SMC3: variants seen among roughly 807,000 people sequenced by gnomAD.
The protein encoded by SMC3 is structural maintenance of chromosomes protein 3.
In SMC3, 20 loss-of-function variants were observed where a neutral mutation model predicts 171.8. That is an observed-to-expected ratio of 0.12 (90% CI 0.08 to 0.17). The LOEUF (loss-of-function observed/expected upper bound fraction) is 0.17, where lower values mean the gene tolerates loss of function less well. Ranked by LOEUF, SMC3 falls within the 10% of genes least tolerant of loss-of-function variation. SMC3 has a pLI of 1.00. For synonymous variants in SMC3, 464 were observed against 451.1 expected (o/e 1.03, Z -0.36); for missense variants, 543 against 1,420.4 (o/e 0.38, Z 9.93).
intron 8 of SMC3, among the ~76,000 whole-genome samples, 195 bp downstream of exon 8, chr10:110,581,216 CTTT>C (rs59798192): frequency 1.4e-4 from 14 of 103,164 alleles, no homozygotes; most frequent in African/African-American, 1.5e-4. Context: ...CGCACACTGA[CTTT>C]TTTTTTTTTT....
chr10:110,589,114 G>T (rs1861167470), intron 13 of SMC3, among the ~76,000 whole-genome samples: 1 of 152,110 alleles, frequency 6.6e-6, no homozygotes, highest in Non-Finnish European at 1.5e-5. Context: ...ATGGGGCCGG[G>T]CGCAGTGTCT....
At chr10:110,597,143 CAAAA>C (rs11347729) in intron 19 of SMC3, among the ~76,000 whole-genome samples, 31 of 135,338 alleles carry the variant, frequency 2.3e-4, no homozygotes, top group Non-Finnish European at 2.4e-4. Context: ...GACCCTGTCT[CAAAA>C]AAAAAAAAAA....
intron 20 of SMC3, among the ~76,000 whole-genome samples, chr10:110,598,993 A>C (rs925924173): frequency 6.6e-6 from 1 of 151,936 alleles, no homozygotes; most frequent in Non-Finnish European, 1.5e-5. Flanking sequence ...TAAACTTGAC[A>C]GTTTTGACAA....
At chr10:110,569,074 C>A in intron 2 of SMC3, 61 bp downstream of exon 2, 2 of 1,061,286 alleles carry the variant, frequency 1.9e-6, no homozygotes, top group Non-Finnish European at 3.0e-6. Context: ...TAAATTCTGT[C>A]CATTTCTATA....
At chr10:110,575,306 G>T in intron 3 of SMC3, 30 bp from the exon 4 acceptor site, 2 of 1,562,090 alleles carry the variant, frequency 1.3e-6, no homozygotes, top group Admixed American at 3.3e-5. Context: ...CTTTTTTAGG[G>T]TATACTAATA....
intron 9 of SMC3, 90 bp from the exon 10 acceptor site, chr10:110,582,472 T>G: frequency 1.1e-6 from 1 of 942,956 alleles, no homozygotes; most frequent in African/African-American, 1.7e-5. Flanking sequence ...TACTTTTGGT[T>G]TATTTTAATA....
rs541539782 is a variant in SMC3, at chr10:110,599,214, C to T, written c.2269-440C>T. ...CTGGGTTCAAGCAATTCTCCTGCCT[C>T]GGCCTCCAGAGTAGCTGGGATTGCA... On this transcript the variant is annotated intron_variant, in intron 20 of 28. Coordinates refer to ENST00000361804, the MANE Select transcript of SMC3 (RefSeq NM_005445.4). 2.0e-4 allele frequency among the ~76,000 whole-genome samples: 31 copies of T among 152,250 alleles called. 1 individual carries two copies. The East Asian group carries it at 5.8e-3, about 28-fold the overall frequency.
chr10:110,598,930 T>C (rs1158018746), intron 20 of SMC3, among the ~76,000 whole-genome samples: 1 of 152,190 alleles, frequency 6.6e-6, no homozygotes, highest in African/African-American at 2.4e-5. Context: ...TTTGTCCAGA[T>C]TGTATTAAAA....
In SMC3 at chr10:110,583,194, C is replaced by T. The variant is rs17127576; in HGVS notation, c.805-190C>T. ...GGCATGAGCAACCATGTCCAGCCAT[C>T]GTATGTTTTTGACCATAGTAAACCC... On this transcript the variant is annotated intron_variant, in intron 10 of 28. Transcript: ENST00000361804. 0.015 allele frequency among the ~76,000 whole-genome samples: 2,281 copies of T among 152,104 alleles called. 60 individuals are homozygous for T. The highest frequency in any genetic ancestry group is 0.052 in the African/African-American group (2,172 of 41,486).
At chr10:110,568,303 C>T (rs1300975939) in intron 1 of SMC3, 6 of 183,792 alleles carry the variant, frequency 3.3e-5, no homozygotes, top group Admixed American at 5.8e-5. Flanking sequence ...GGTGTCGTCA[C>T]CTGTCACTGC....
intron 4 of SMC3, 131 bp from the exon 5 acceptor site, chr10:110,577,290 G>A (rs989537175): frequency 2.8e-6 from 2 of 706,254 alleles, no homozygotes; most frequent in Non-Finnish European, 5.2e-6. Context: ...GTGTGTGTGT[G>A]TATATATGAA....
Position 110,590,971 on chromosome 10 carries a change from C to CT in SMC3, c.1671-18dup. ...ACCCTGAGTACCAATAAAGATTTGT[C>CT]TTACTCTGTTTATATTTAGGTTATT... On this transcript the variant is annotated intron_variant, in intron 16 of 28. Transcript: ENST00000361804. 5 of 1,610,740 alleles carry CT rather than the reference C, an allele frequency of 3.1e-6. No individual in the cohort carries two copies. Among genetic ancestry groups the CT allele is most frequent in the Non-Finnish European group, 3.4e-6 (4 of 1,177,304 alleles).
intron 8 of SMC3, 30 bp downstream of exon 8, chr10:110,581,051 T>G (rs766450471): frequency 4.0e-6 from 5 of 1,265,126 alleles, no homozygotes; most frequent in Non-Finnish European, 5.8e-6. Flanking sequence ...GCCTTATTTT[T>G]TTGTTGCAAA....
intron 18 of SMC3, among the ~76,000 whole-genome samples, chr10:110,594,185 T>C (rs1241334761): frequency 6.8e-6 from 1 of 146,590 alleles, no homozygotes; most frequent in East Asian, 2.0e-4. Context: ...TTCACAATTT[T>C]TTTTTTAATT....
At position 110,578,550 on chromosome 10, in the gene SMC3, C is replaced by T. The variant is rs1363822527; in HGVS notation, c.351-78C>T. ...GATCTTTCCTCCCTAATGCTATCAA[C>T]CAAGGGGCTACTCTACTCATTGCTT... On this transcript the variant is annotated intron_variant, in intron 6 of 28. Transcript: ENST00000361804. 4.0e-6 allele frequency: 4 copies of T among 1,011,996 alleles called. No individual in the cohort carries two copies. In the East Asian group the frequency reaches 1.0e-4, roughly 26 times the overall value. 62.7% of individuals were successfully genotyped at this position (1,011,996 alleles called of 1,614,324 possible). A position where few individuals can be genotyped will look rare whatever the true frequency, so the allele number is the denominator to read the frequency against.
chr10:110,575,253 A>C, intron 3 of SMC3, 83 bp from the exon 4 acceptor site: 1 of 925,766 alleles, frequency 1.1e-6, no homozygotes, highest in South Asian at 1.3e-5. Flanking sequence ...CAGACACACT[A>C]TGTTCTATTG....
At chr10:110,600,284 A>G (rs1258882071) in intron 21 of SMC3, among the ~76,000 whole-genome samples, 155 bp from the exon 22 acceptor site, 1 of 152,256 alleles carries the variant, frequency 6.6e-6, no homozygotes. Context: ...TGATAAGAGA[A>G]AAATGAAGAA....
At chr10:110,589,566 T>C in intron 13 of SMC3, 39 bp from the exon 14 acceptor site, 1 of 1,346,572 alleles carries the variant, frequency 7.4e-7, no homozygotes, top group Non-Finnish European at 1.1e-6. Context: ...TAGATTAGTT[T>C]CATGAAATTG....
chr10:110,580,215 A>G (rs1285268702), intron 7 of SMC3, among the ~76,000 whole-genome samples: 2 of 152,198 alleles, frequency 1.3e-5, no homozygotes, highest in Non-Finnish European at 2.9e-5. Context: ...GGACTTGAGC[A>G]TCCTTGGATT....
Sources: allele counts gnomAD v4.1 joint callset (sites outside exome capture counted in the v4.1 genomes callset), GRCh38; gene constraint gnomAD v4.1.1; transcripts MANE v1.5; gene names NCBI Gene and HGNC (gene_info 2026-07-23, HGNC 2026-07-21).